The following LSAMP variants were observed in gnomAD, a reference collection of about 807,000 sequenced individuals.
The protein encoded by LSAMP is limbic system associated membrane protein, also known as limbic system-associated membrane protein.
A neutral mutation model predicts 38.6 loss-of-function variants in LSAMP; 7 were observed. The observed-to-expected ratio is 0.18, with a 90% CI of 0.10 to 0.34. The LOEUF (loss-of-function observed/expected upper bound fraction) is 0.34, where lower values mean the gene tolerates loss of function less well. LSAMP is among the 10% of genes least tolerant of loss of function. The pLI is 1.00. For missense variants in LSAMP, 313 were observed against 420.0 expected (o/e 0.75, Z 2.23); for synonymous variants, 154 against 166.8 (o/e 0.92, Z 0.59).
intron 1 of LSAMP, among the ~76,000 whole-genome samples, chr3:116,154,205 A>G (rs954347938): frequency 6.6e-6 from 1 of 152,128 alleles, no homozygotes; most frequent in Non-Finnish European, 1.5e-5. Context: ...GGGCCTTGTC[A>G]GGATAATTAT....
At chr3:116,324,527 T>C (rs929643798) in intron 1 of LSAMP, among the ~76,000 whole-genome samples, 1 of 152,156 alleles carries the variant, frequency 6.6e-6, no homozygotes, top group African/African-American at 2.4e-5. Flanking sequence ...ACAGAGTGTG[T>C]AGTGATAAAA....
intron 1 of LSAMP, among the ~76,000 whole-genome samples, chr3:116,134,124 G>A (rs1276679325): frequency 1.3e-5 from 2 of 152,078 alleles, no homozygotes; most frequent in African/African-American, 4.8e-5. Flanking sequence ...GAAAATGACA[G>A]GAGTTATTAT....
chr3:115,902,848 G>A (rs1936912616), intron 3 of LSAMP, among the ~76,000 whole-genome samples: 1 of 152,126 alleles, frequency 6.6e-6, no homozygotes, highest in Non-Finnish European at 1.5e-5. Flanking sequence ...AATAACAGAT[G>A]CTGGTGAGGT....
At chr3:115,816,415 G>A (rs1360779919) in intron 6 of LSAMP, among the ~76,000 whole-genome samples, 3 of 152,130 alleles carry the variant, frequency 2.0e-5, no homozygotes, top group Non-Finnish European at 4.4e-5. Flanking sequence ...ACTGTCAAGA[G>A]CAATATAAGG....
At chr3:115,942,350 C>T (rs151279674) in intron 3 of LSAMP, among the ~76,000 whole-genome samples, 37 of 152,208 alleles carry the variant, frequency 2.4e-4, no homozygotes, top group East Asian at 1.2e-3. Flanking sequence ...TCATCACCAA[C>T]GGTCATAATT....
intron 1 of LSAMP, among the ~76,000 whole-genome samples, chr3:116,121,999 C>A (rs997005658): frequency 6.6e-6 from 1 of 151,330 alleles, no homozygotes; most frequent in Non-Finnish European, 1.5e-5. Context: ...AGATTGGCCA[C>A]CCCTGTTCTA....
At chr3:116,147,039 T>A (rs1356516163) in intron 1 of LSAMP, among the ~76,000 whole-genome samples, 1 of 151,858 alleles carries the variant, frequency 6.6e-6, no homozygotes, top group Non-Finnish European at 1.5e-5. Flanking sequence ...ATCATCATCT[T>A]CCTTAATTCT....
chr3:116,428,201 TAAG>T (rs2049230616), intron 1 of LSAMP, among the ~76,000 whole-genome samples: 2 of 152,154 alleles, frequency 1.3e-5, no homozygotes, highest in East Asian at 1.9e-4. Context: ...ATTTCTTTAT[TAAG>T]AAGATCTTTT....
At chr3:116,136,977 A>C (rs1328445493) in intron 1 of LSAMP, among the ~76,000 whole-genome samples, 7 of 152,078 alleles carry the variant, frequency 4.6e-5, no homozygotes, top group Non-Finnish European at 8.8e-5. Context: ...TCAAGGCCAG[A>C]AATCCAAAAC....
At chr3:116,332,735 T>C (rs1309384413) in intron 1 of LSAMP, among the ~76,000 whole-genome samples, 1 of 152,106 alleles carries the variant, frequency 6.6e-6, no homozygotes, top group East Asian at 1.9e-4. Context: ...AATTATATGC[T>C]GCCTACAAGA....
At chr3:115,859,707 C>G (rs1935618265) in intron 3 of LSAMP, among the ~76,000 whole-genome samples, 1 of 152,182 alleles carries the variant, frequency 6.6e-6, no homozygotes, top group Non-Finnish European at 1.5e-5. Flanking sequence ...AAAAGAACAT[C>G]CTGGGATTAT....
At chr3:115,972,225 T>C (rs1165495212) in intron 3 of LSAMP, among the ~76,000 whole-genome samples, 2 of 151,992 alleles carry the variant, frequency 1.3e-5, no homozygotes. Context: ...AAAGAAATGG[T>C]AGCATAAAAG....
intron 3 of LSAMP, among the ~76,000 whole-genome samples, chr3:115,993,389 C>G (rs1339033219): frequency 6.6e-6 from 1 of 152,068 alleles, no homozygotes; most frequent in African/African-American, 2.4e-5. Context: ...TTTAGTGCAT[C>G]TAGGAGAAAG....
intron 1 of LSAMP, among the ~76,000 whole-genome samples, chr3:116,314,034 A>C (rs1347831514): frequency 6.6e-6 from 1 of 152,228 alleles, no homozygotes; most frequent in African/African-American, 2.4e-5. Flanking sequence ...TTCTCACAAT[A>C]ATACAGTAAA....
At chr3:115,839,238 T>TTACCTTCC (rs1934902840) in intron 6 of LSAMP, among the ~76,000 whole-genome samples, 1 of 105,558 alleles carries the variant, frequency 9.5e-6, no homozygotes, top group African/African-American at 3.1e-5. Flanking sequence ...CCCTTCCTTC[T>TTACCTTCC]TTCCTTCCTT....
intron 1 of LSAMP, among the ~76,000 whole-genome samples, chr3:116,148,098 G>T (rs1291137888): frequency 2.0e-5 from 3 of 148,210 alleles, no homozygotes; most frequent in African/African-American, 7.5e-5. Flanking sequence ...TAATTTGCTT[G>T]TTCTACAAAA....
intron 1 of LSAMP, among the ~76,000 whole-genome samples, chr3:116,357,026 C>A (rs1157646982): frequency 6.6e-6 from 1 of 152,192 alleles, no homozygotes; most frequent in African/African-American, 2.4e-5. Context: ...ATCTCCTGAC[C>A]TCGTGATCCA....
chr3:116,211,356 A>C (rs1198620846), intron 1 of LSAMP, among the ~76,000 whole-genome samples: 2 of 151,556 alleles, frequency 1.3e-5, no homozygotes, highest in Non-Finnish European at 3.0e-5. Context: ...CTCTCCACAA[A>C]TAAATCATAA....
At chr3:115,889,101 T>A (rs1193575289) in intron 3 of LSAMP, among the ~76,000 whole-genome samples, 4 of 151,874 alleles carry the variant, frequency 2.6e-5, no homozygotes, top group Non-Finnish European at 4.4e-5. Flanking sequence ...AGAGCACACA[T>A]GTTCCAGTTG....
Sources: gnomAD v4.1 joint callset for allele counts (sites outside exome capture counted in the v4.1 genomes callset) on GRCh38, gnomAD v4.1.1 for gene constraint, MANE v1.5 for transcripts, NCBI Gene and HGNC (gene_info 2026-07-23, HGNC 2026-07-21) for gene names.